RARA: variants seen among roughly 807,000 people sequenced by gnomAD.
The protein encoded by RARA is retinoic acid receptor alpha.
Under a neutral mutation model 42.8 loss-of-function variants are expected in RARA, and 5 were observed. The ratio of observed to expected loss-of-function variants is 0.12; its 90% CI spans 0.06 to 0.25. The LOEUF (loss-of-function observed/expected upper bound fraction) is 0.25. Ranked by LOEUF, RARA falls within the 10% of genes least tolerant of loss-of-function variation. The probability of loss-of-function intolerance (pLI) is 1.00; values close to 1 mark genes in which losing one functional copy is unlikely to be tolerated. For synonymous variants in RARA, 256 were observed against 259.5 expected (o/e 0.99, Z 0.13); for missense variants, 402 against 628.7 (o/e 0.64, Z 3.86).
intron 1 of RARA, among the ~76,000 whole-genome samples, chr17:40,325,975 C>CA (rs777831363): frequency 1.3e-5 from 2 of 152,166 alleles, no homozygotes; most frequent in Non-Finnish European, 2.9e-5. Context: ...TCCCTAAATC[C>CA]AAAGGTTTCC....
chr17:40,332,516 C>T (rs954405327), intron 2 of RARA, among the ~76,000 whole-genome samples: 23 of 152,158 alleles, frequency 1.5e-4, no homozygotes, highest in Non-Finnish European at 2.2e-4. Context: ...GCTCTCTCCC[C>T]GGAGCCAGGG....
chr17:40,356,076 G>A lies in RARA; in HGVS notation c.1239G>A (p.Met413Ile), dbSNP rs1467197849. Residue 413 changes from methionine to isoleucine, a missense_variant, in exon 9 of 9, where the codon ATG becomes ATA. Around this residue, in one of 5 missense-constraint regions of RARA, gnomAD observed 104 missense variants for 160.1 expected, o/e 0.65. Transcript: ENST00000254066. Reference protein sequence around the residue: ...PGSMPPLIQEMLENSEGLDTL... With the variant: ...PGSMPPLIQEILENSEGLDTL... The stretch of plus-strand genomic sequence containing the variant: ...CCATGCCGCCTCTCATCCAGGAAAT[G>A]TTGGAGAACTCAGAGGGCCTGGACA... 7.7e-6 allele frequency: 12 copies of A among 1,565,038 alleles called. No homozygotes were observed. The highest frequency in any genetic ancestry group is 1.0e-5 in the Non-Finnish European group (12 of 1,154,688).
chr17:40,330,381 T>TG (rs948477031), intron 1 of RARA, among the ~76,000 whole-genome samples: 3 of 152,102 alleles, frequency 2.0e-5, no homozygotes, highest in Admixed American at 1.3e-4. Flanking sequence ...GGCTTGGATC[T>TG]GGGGGGGAAG....
intron 2 of RARA, chr17:40,342,662 C>T (rs1211286744): frequency 1.3e-6 from 2 of 1,574,658 alleles, no homozygotes; most frequent in African/African-American, 2.7e-5. Context: ...GGGGGCGGCG[C>T]GCAGGACTTC....
At chr17:40,331,577 C>T (rs1007915171) in intron 2 of RARA, among the ~76,000 whole-genome samples, 181 bp downstream of exon 2, 9 of 152,268 alleles carry the variant, frequency 5.9e-5, no homozygotes, top group African/African-American at 2.2e-4. Context: ...GGCCTATAGG[C>T]TGATCATGGT....
chr17:40,322,137 T>C (rs2033406592), intron 1 of RARA, among the ~76,000 whole-genome samples: 3 of 151,482 alleles, frequency 2.0e-5, no homozygotes, highest in Non-Finnish European at 4.4e-5. Context: ...TTGGGCTAAA[T>C]ATAGTCTGGG....
chr17:40,314,709 G>A (rs371440165), intron 1 of RARA, among the ~76,000 whole-genome samples: 1 of 152,104 alleles, frequency 6.6e-6, no homozygotes, highest in Non-Finnish European at 1.5e-5. Flanking sequence ...TGCCTGCTGG[G>A]CATCACAGTC....
intron 1 of RARA, among the ~76,000 whole-genome samples, chr17:40,313,220 CCCT>C (rs1354781679): frequency 6.6e-6 from 1 of 152,084 alleles, no homozygotes; most frequent in Non-Finnish European, 1.5e-5. Flanking sequence ...CCTTTGTGAG[CCCT>C]CCTCCTGCCC....
Position 40,355,537 on chromosome 17 carries a change from T to G in RARA, c.1171+116T>G, listed in dbSNP as rs2034592654. The G allele has an allele frequency of 7.3e-7, 1 of 1,375,916 alleles. No individual in the cohort carries two copies. Among genetic ancestry groups the G allele is most frequent in the Non-Finnish European group, 9.7e-7 (1 of 1,026,954 alleles). 85.2% of individuals were successfully genotyped at this position (1,375,916 alleles called of 1,614,324 possible). A position where few individuals can be genotyped will look rare whatever the true frequency, so the allele number is the denominator to read the frequency against. ...ACAATACGACACCTGTCCCCATCTG[T>G]GTCTAGGCTGAGGTCCCCTAGTGAC... On this transcript the variant is annotated intron_variant, in intron 8 of 8. Coordinates refer to ENST00000254066, the MANE Select transcript of RARA (RefSeq NM_000964.4). The surrounding 1 kb of genome is among the most constrained non-coding windows in gnomAD (Gnocchi z 4.1).
intron 2 of RARA, among the ~76,000 whole-genome samples, chr17:40,336,940 C>T (rs924857386): frequency 2.8e-4 from 43 of 152,246 alleles, no homozygotes; most frequent in African/African-American, 9.6e-4. Context: ...CCTTGTGATC[C>T]GCCCGCCTCG....
In RARA at chr17:40,322,274, GA is replaced by G. The variant is rs563583382; in HGVS notation, c.-362-8581del. Reference sequence around the variant, plus strand: ...TTCCTCAAGCACAAAAGGCAGGGGAGAAGTGGCAGGGAAGAGGTGGCAGGGG... The same window carrying G: ...TTCCTCAAGCACAAAAGGCAGGGGAGAGTGGCAGGGAAGAGGTGGCAGGGG... On this transcript the variant is annotated intron_variant, in intron 1 of 8. Transcript: ENST00000254066. Among the ~76,000 whole-genome samples, 42 of 152,054 alleles carry G rather than the reference GA, an allele frequency of 2.8e-4. 1 individual carries two copies. In the South Asian group the frequency reaches 8.3e-3, roughly 30 times the overall value.
intron 1 of RARA, among the ~76,000 whole-genome samples, chr17:40,328,604 C>A (rs1464291547): frequency 6.6e-6 from 1 of 152,164 alleles, no homozygotes; most frequent in Admixed American, 6.6e-5. Flanking sequence ...AATCCACGCC[C>A]CAGCTCCTGG....
At chr17:40,332,284 G>A (rs1256520139) in intron 2 of RARA, among the ~76,000 whole-genome samples, 1 of 152,120 alleles carries the variant, frequency 6.6e-6, no homozygotes, top group African/African-American at 2.4e-5. Flanking sequence ...CCTGGGACGG[G>A]AGAGGGTGGA....
intron 1 of RARA, among the ~76,000 whole-genome samples, chr17:40,315,154 A>G (rs1299541543): frequency 7.4e-5 from 10 of 134,320 alleles, no homozygotes; most frequent in East Asian, 4.3e-4. Flanking sequence ...ATATATATAT[A>G]TATATATATA....
Position 40,351,237 on chromosome 17 carries a change from AG to A in RARA, c.470-672del, listed in dbSNP as rs2034434510. On this transcript the variant is annotated intron_variant, in intron 4 of 8. Transcript: ENST00000254066. The surrounding 1 kb of genome is among the most constrained non-coding windows in gnomAD (Gnocchi z 4.1). ...CCCCCACCTCGCTACCCCCTCCCTG[AG>A]CCCCTCCCCCACCCTCCCTTCCTCC... is the stretch of plus-strand genomic sequence containing the variant. 1 of 148,736 alleles carries A rather than the reference AG, an allele frequency of 6.7e-6. No individual in the cohort carries two copies. 9.2% of individuals were successfully genotyped at this position (148,736 alleles called of 1,614,324 possible). A position where few individuals can be genotyped will look rare whatever the true frequency, so the allele number is the denominator to read the frequency against.
chr17:40,345,758 C>G lies in RARA; in HGVS notation c.179-2558C>G, dbSNP rs1357490255. Among the ~76,000 whole-genome samples, 2 of 152,176 alleles carry G rather than the reference C, an allele frequency of 1.3e-5. No homozygotes were observed. The highest frequency in any genetic ancestry group is 2.9e-5 in the Non-Finnish European group (2 of 68,020). On this transcript the variant is annotated intron_variant, in intron 2 of 8. Coordinates refer to ENST00000254066, the MANE Select transcript of RARA (RefSeq NM_000964.4). The surrounding 1 kb of genome is among the most constrained non-coding windows in gnomAD (Gnocchi z 4.8). ...GGGCCAGGCCCGGGCAGTCCCTCCC[C>G]CGTTGGTGTCCCTCCCCACTCCACC... is the stretch of plus-strand genomic sequence containing the variant.
intron 2 of RARA, chr17:40,342,342 C>G (rs2034088775): frequency 9.3e-7 from 1 of 1,077,680 alleles, no homozygotes; most frequent in Non-Finnish European, 1.1e-6. Flanking sequence ...CTGATCCCGC[C>G]CCCGGCCTGC....
chr17:40,347,964 A>G (rs1342339380), intron 2 of RARA: 56 of 200,492 alleles, frequency 2.8e-4, no homozygotes, highest in Non-Finnish European at 1.0e-4. Flanking sequence ...TCGGGGGGAG[A>G]ACGGGGCCAG....
chr17:40,354,207 G>A lies in RARA; in HGVS notation c.808-95G>A, dbSNP rs1265053496. On this transcript the variant is annotated intron_variant, in intron 6 of 8. Coordinates refer to ENST00000254066, the MANE Select transcript of RARA (RefSeq NM_000964.4). The surrounding 1 kb of genome is among the most constrained non-coding windows in gnomAD (Gnocchi z 4.5). The stretch of plus-strand genomic sequence containing the variant: ...CAGCATTGCTCCGGCCACCTGCCAG[G>A]TGGTCCTCCGGGAGTGCTGGTGCGG... The A allele has an allele frequency of 8.3e-7, 1 of 1,200,998 alleles. No homozygotes were observed. The allele number at this position is 1,200,998 out of a possible 1,614,324, so 74.4% of individuals were successfully genotyped here.
Sources: gnomAD v4.1 joint callset for allele counts (sites outside exome capture counted in the v4.1 genomes callset) on GRCh38, gnomAD v4.1.1 for gene constraint, gnomAD v4.1.1 regional missense constraint, Gnocchi (gnomAD v3.1) non-coding constraint, MANE v1.5 for transcripts, NCBI Gene and HGNC (gene_info 2026-07-23, HGNC 2026-07-21) for gene names.